The following CSMD1 variants were observed in gnomAD, a reference collection of about 807,000 sequenced individuals.
The protein encoded by CSMD1 is CUB and Sushi multiple domains 1.
Under a neutral mutation model 417.5 loss-of-function variants are expected in CSMD1, and 213 were observed. The observed-to-expected ratio is 0.51, with a 90% CI of 0.46 to 0.57. The LOEUF is 0.57. CSMD1 is among the 20% of genes least tolerant of loss of function. CSMD1 has a pLI of 0.00. For missense variants in CSMD1, 6,923 were observed against 4,529.7 expected (o/e 1.53, Z -15.17); for synonymous variants, 2,862 against 1,736.8 (o/e 1.65, Z -16.11).
At chr8:4,942,141 T>C (rs1191376144) in intron 1 of CSMD1, among the ~76,000 whole-genome samples, 2 of 152,168 alleles carry the variant, frequency 1.3e-5, no homozygotes, top group Non-Finnish European at 1.5e-5. Context: ...AAGTATAATA[T>C]ACTCCCTATT....
chr8:4,579,004 G>A (rs377045902), intron 2 of CSMD1, among the ~76,000 whole-genome samples: 4 of 151,680 alleles, frequency 2.6e-5, no homozygotes, highest in Non-Finnish European at 4.4e-5. Context: ...ATTGAAAATT[G>A]TACATAAATG....
intron 3 of CSMD1, among the ~76,000 whole-genome samples, chr8:4,334,188 T>G (rs957634267): frequency 2.0e-5 from 3 of 152,136 alleles, no homozygotes; most frequent in African/African-American, 7.2e-5. Flanking sequence ...ATTACAGGTG[T>G]GAGCCACCAT....
At chr8:4,738,757 G>T (rs1208031865) in intron 1 of CSMD1, among the ~76,000 whole-genome samples, 1 of 152,050 alleles carries the variant, frequency 6.6e-6, no homozygotes, top group Non-Finnish European at 1.5e-5. Context: ...ATGCATTTCT[G>T]AATACAGGAT....
intron 1 of CSMD1, among the ~76,000 whole-genome samples, chr8:4,750,215 G>A (rs942296519): frequency 6.6e-6 from 1 of 151,788 alleles, no homozygotes; most frequent in Non-Finnish European, 1.5e-5. Flanking sequence ...CACCGTGTTA[G>A]CCACGATGGT....
rs371696159 is a variant in CSMD1, at chr8:4,296,696, G to GTTTTTTTTTTT, written c.415+123246_415+123256dup. ...GGTCCCTGAAAACACGAAAATAAGGGTTTTTTTTTTTTTTTTTTTCTCCAG... is the reference window on the plus strand; with the variant it reads ...GGTCCCTGAAAACACGAAAATAAGGGTTTTTTTTTTTTTTTTTTTTTTTTTTTTTTCTCCAG... On this transcript the variant is annotated intron_variant, in intron 3 of 69. Coordinates refer to ENST00000635120, the MANE Select transcript of CSMD1 (RefSeq NM_033225.6). Among the ~76,000 whole-genome samples, 11 of 114,870 alleles carry GTTTTTTTTTTT rather than the reference G, an allele frequency of 9.6e-5. 1 individual carries two copies. The highest frequency in any genetic ancestry group is 2.6e-4 in the African/African-American group (8 of 30,330). 75.4% of individuals were successfully genotyped at this position (114,870 alleles called of 152,430 possible). A position where few individuals can be genotyped will look rare whatever the true frequency, so the allele number is the denominator to read the frequency against.
At chr8:4,831,953 T>C (rs1469047489) in intron 1 of CSMD1, among the ~76,000 whole-genome samples, 5 of 152,238 alleles carry the variant, frequency 3.3e-5, no homozygotes, top group Admixed American at 2.0e-4. Flanking sequence ...AAAATTTTTG[T>C]CTGGGAGAAA....
intron 1 of CSMD1, among the ~76,000 whole-genome samples, chr8:4,880,627 T>C (rs1803330629): frequency 6.6e-6 from 1 of 152,156 alleles, no homozygotes; most frequent in East Asian, 1.9e-4. Context: ...TGAGATTTAC[T>C]CAGTTCGAAG....
intron 2 of CSMD1, among the ~76,000 whole-genome samples, chr8:4,501,842 G>T (rs373769133): frequency 5.3e-5 from 8 of 152,142 alleles, no homozygotes; most frequent in African/African-American, 1.9e-4. Context: ...CTTTATCAGA[G>T]GTATGTCTGT....
intron 3 of CSMD1, among the ~76,000 whole-genome samples, chr8:4,097,219 G>A (rs1047359025): frequency 6.6e-6 from 1 of 152,144 alleles, no homozygotes; most frequent in Non-Finnish European, 1.5e-5. Context: ...TAGCTTGGAA[G>A]GAGATAAGTC....
At chr8:3,738,957 A>T (rs1255885491) in intron 6 of CSMD1, among the ~76,000 whole-genome samples, 1 of 152,198 alleles carries the variant, frequency 6.6e-6, no homozygotes, top group Non-Finnish European at 1.5e-5. Flanking sequence ...TGTATGCACA[A>T]AAAGGTGTGT....
At chr8:3,431,824 C>T (rs1814234150) in intron 12 of CSMD1, among the ~76,000 whole-genome samples, 1 of 152,158 alleles carries the variant, frequency 6.6e-6, no homozygotes. Flanking sequence ...ATATTTTATT[C>T]CATACAATTG....
rs147437853 is a variant in CSMD1, at chr8:4,391,556, A to C, written c.415+28397T>G. Among the ~76,000 whole-genome samples, 318 of 152,114 alleles carry C rather than the reference A, an allele frequency of 2.1e-3. 3 individuals are homozygous for C. Among genetic ancestry groups the C allele is most frequent in the African/African-American group, 7.3e-3 (305 of 41,502 alleles). ...TGCATCAACCAGCTCAGAGTAGGTA[A>C]GACTTGGCCAGTGACTTTCAGCTAC... On this transcript the variant is annotated intron_variant, in intron 3 of 69. Coordinates refer to ENST00000635120, the MANE Select transcript of CSMD1 (RefSeq NM_033225.6).
rs1020956752 is a variant in CSMD1, at chr8:4,096,082, A to G, written c.416-63983T>C. ...TAACTACAGTGTTGTTTTATGTTAT[A>G]TGTTATCACAAGACTGTTGTTGGAT... is the stretch of plus-strand genomic sequence containing the variant. On this transcript the variant is annotated intron_variant, in intron 3 of 69. Transcript: ENST00000635120. Among the ~76,000 whole-genome samples, 6 of 152,108 alleles carry G rather than the reference A, an allele frequency of 3.9e-5. 1 individual carries two copies. The highest frequency in any genetic ancestry group is 1.4e-4 in the African/African-American group (6 of 41,406).
intron 3 of CSMD1, among the ~76,000 whole-genome samples, chr8:4,088,344 C>T (rs1046924030): frequency 2.1e-4 from 32 of 152,204 alleles, no homozygotes; most frequent in African/African-American, 7.7e-4. Flanking sequence ...ACTGGCTTTG[C>T]AGCACAGAAG....
At chr8:3,537,555 A>C (rs778196376) in intron 10 of CSMD1, among the ~76,000 whole-genome samples, 5 of 152,232 alleles carry the variant, frequency 3.3e-5, no homozygotes, top group Non-Finnish European at 5.9e-5. Flanking sequence ...TTTAAACATT[A>C]ATATTTGCAT....
At chr8:3,960,361 C>T (rs369202870) in intron 5 of CSMD1, among the ~76,000 whole-genome samples, 20 of 152,238 alleles carry the variant, frequency 1.3e-4, no homozygotes, top group African/African-American at 2.6e-4. Flanking sequence ...TTCCTCATCA[C>T]GCTACTACTT....
At chr8:3,216,224 C>A (rs986108672) in intron 29 of CSMD1, among the ~76,000 whole-genome samples, 1 of 151,890 alleles carries the variant, frequency 6.6e-6, no homozygotes, top group Non-Finnish European at 1.5e-5. Context: ...TTCTTTGTAA[C>A]TGCATTAAAT....
At chr8:4,069,395 TGAGTTTTCC>T (rs1357407648) in intron 3 of CSMD1, among the ~76,000 whole-genome samples, 15 of 152,252 alleles carry the variant, frequency 9.9e-5, no homozygotes, top group African/African-American at 2.9e-4. Flanking sequence ...GTCTGTTTTC[TGAGTTTTCC>T]GAGTTTTCCA....
chr8:4,769,983 C>T (rs1796520610), intron 1 of CSMD1, among the ~76,000 whole-genome samples: 1 of 151,776 alleles, frequency 6.6e-6, no homozygotes, highest in African/African-American at 2.4e-5. Context: ...TGGACAGAAA[C>T]TCTCTCTCCC....
Sources: gnomAD v4.1 joint callset for allele counts (sites outside exome capture counted in the v4.1 genomes callset) on GRCh38, gnomAD v4.1.1 for gene constraint, MANE v1.5 for transcripts, NCBI Gene and HGNC (gene_info 2026-07-23, HGNC 2026-07-21) for gene names.